The following NFIB variants were observed in gnomAD, a reference collection of about 807,000 sequenced individuals.
NFIB encodes nuclear factor 1 B-type.
Under a neutral mutation model 61.5 loss-of-function variants are expected in NFIB, and 11 were observed. That is an observed-to-expected ratio of 0.18 (90% CI 0.11 to 0.30). The LOEUF (loss-of-function observed/expected upper bound fraction) is 0.30. NFIB is among the 10% of genes least tolerant of loss of function. The probability of loss-of-function intolerance (pLI) is 1.00; values close to 1 mark genes in which losing one functional copy is unlikely to be tolerated. For missense variants in NFIB, 471 were observed against 608.9 expected (o/e 0.77, Z 2.38); for synonymous variants, 260 against 216.5 (o/e 1.20, Z -1.76).
intron 1 of NFIB, among the ~76,000 whole-genome samples, chr9:14,331,615 C>T (rs373834617): frequency 6.6e-6 from 1 of 152,200 alleles, no homozygotes; most frequent in Non-Finnish European, 1.5e-5. Flanking sequence ...AGGTTATATT[C>T]ATTCTCCAGT....
intron 10 of NFIB, among the ~76,000 whole-genome samples, chr9:14,092,822 C>T (rs574641760): frequency 2.8e-4 from 42 of 152,092 alleles, no homozygotes; most frequent in African/African-American, 9.6e-4. Flanking sequence ...ATACCCACTT[C>T]TTCCTTTTAA....
intron 2 of NFIB, among the ~76,000 whole-genome samples, chr9:14,275,476 G>C (rs913102531): frequency 1.3e-5 from 2 of 152,168 alleles, no homozygotes; most frequent in Non-Finnish European, 2.9e-5. Context: ...ACGGCGCCAT[G>C]GTTAGGATAT....
At chr9:14,492,355 T>A in the NFIB span, among the ~76,000 whole-genome samples, 1 of 143,422 alleles carries the variant, frequency 7.0e-6, no homozygotes, top group Non-Finnish European at 1.5e-5. Flanking sequence ...AGAGTGAGAC[T>A]TTGCCTCAAA....
chr9:14,224,390 G>C (rs557251687), intron 2 of NFIB, among the ~76,000 whole-genome samples: 4 of 152,294 alleles, frequency 2.6e-5, no homozygotes, highest in South Asian at 2.1e-4. Flanking sequence ...AAAGTGTCCT[G>C]AGAAAAATCA....
intron 2 of NFIB, among the ~76,000 whole-genome samples, chr9:14,188,809 AT>A (rs1047412804): frequency 6.6e-6 from 1 of 152,286 alleles, no homozygotes; most frequent in South Asian, 2.1e-4. Context: ...TGTAATATAC[AT>A]TTTTTCCCCT....
At chr9:14,475,572 G>A in the NFIB span, among the ~76,000 whole-genome samples, 31 of 152,146 alleles carry the variant, frequency 2.0e-4, no homozygotes, top group South Asian at 5.0e-3. Context: ...CCCCTGCAGC[G>A]TCTTGCTGAC....
chr9:14,460,181 T>A, the NFIB span, among the ~76,000 whole-genome samples: 23 of 152,260 alleles, frequency 1.5e-4, no homozygotes, highest in Middle Eastern at 0.01. Context: ...TGGAATACTA[T>A]GCAGCCATAA....
chr9:14,249,228 G>A lies in NFIB; in HGVS notation c.562+57761C>T, dbSNP rs538161402. ...ATTACATAAACTGAGGATGGGGGTAGATATTATTATCTCTGCTTTACTGAT... is the reference window on the plus strand; with the variant it reads ...ATTACATAAACTGAGGATGGGGGTAAATATTATTATCTCTGCTTTACTGAT... On this transcript the variant is annotated intron_variant, in intron 2 of 10. Coordinates refer to ENST00000380953, the MANE Select transcript of NFIB (RefSeq NM_001190737.2). 1.4e-4 allele frequency among the ~76,000 whole-genome samples: 21 copies of A among 151,950 alleles called. No homozygotes were observed. In the South Asian group the frequency reaches 3.1e-3, roughly 23 times the overall value.
chr9:14,352,543 G>A (rs2061126031), intron 1 of NFIB, among the ~76,000 whole-genome samples: 1 of 152,186 alleles, frequency 6.6e-6, no homozygotes, highest in African/African-American at 2.4e-5. Flanking sequence ...CTCAGTGTAT[G>A]TAATCTGATG....
intron 2 of NFIB, among the ~76,000 whole-genome samples, chr9:14,215,458 G>A (rs753889364): frequency 1.6e-4 from 22 of 141,838 alleles, no homozygotes; most frequent in Non-Finnish European, 2.8e-4. Flanking sequence ...AAAATTGTCA[G>A]AAAGCAAATG....
At chr9:14,334,721 TA>T (rs569285164) in intron 1 of NFIB, among the ~76,000 whole-genome samples, 1 of 152,170 alleles carries the variant, frequency 6.6e-6, no homozygotes, top group Non-Finnish European at 1.5e-5. Context: ...TGCACATGTT[TA>T]AAGCGTACTA....
intron 1 of NFIB, among the ~76,000 whole-genome samples, chr9:14,349,227 G>T (rs550787985): frequency 6.6e-6 from 1 of 152,208 alleles, no homozygotes; most frequent in African/African-American, 2.4e-5. Context: ...TAGCGGGGTG[G>T]GGGTTTGGTC....
intron 2 of NFIB, among the ~76,000 whole-genome samples, chr9:14,184,371 T>C (rs894551209): frequency 5.5e-4 from 84 of 152,212 alleles, no homozygotes; most frequent in African/African-American, 2.0e-3. Context: ...CACCAATACA[T>C]TCAAAATCTT....
intron 4 of NFIB, among the ~76,000 whole-genome samples, chr9:14,151,339 G>A (rs1279320676): frequency 2.6e-5 from 4 of 152,098 alleles, no homozygotes; most frequent in African/African-American, 4.8e-5. Flanking sequence ...GAACCTGTTC[G>A]CTGAAAATTT....
chr9:14,181,570 G>T (rs988985606), intron 2 of NFIB, among the ~76,000 whole-genome samples: 3 of 152,196 alleles, frequency 2.0e-5, no homozygotes, highest in Non-Finnish European at 4.4e-5. Context: ...TTCCAGGCCT[G>T]GAGTATGATA....
At chr9:14,341,641 G>A (rs762243146) in intron 1 of NFIB, among the ~76,000 whole-genome samples, 1 of 152,106 alleles carries the variant, frequency 6.6e-6, no homozygotes, top group Non-Finnish European at 1.5e-5. Flanking sequence ...GTGGAAATGG[G>A]GTATCTGTAG....
intron 1 of NFIB, among the ~76,000 whole-genome samples, chr9:14,336,426 A>C (rs1178979072): frequency 6.6e-6 from 1 of 152,236 alleles, no homozygotes; most frequent in Non-Finnish European, 1.5e-5. Context: ...ATGACTCTAC[A>C]GACTGACCTC....
upstream of NFIB, among the ~76,000 whole-genome samples, chr9:14,318,966 G>A (rs1199031640): frequency 1.3e-5 from 2 of 151,932 alleles, no homozygotes; most frequent in East Asian, 3.8e-4. Context: ...AGCCCTTAAC[G>A]TACTACTGTC....
At chr9:14,228,041 A>C (rs1258062130) in intron 2 of NFIB, among the ~76,000 whole-genome samples, 1 of 152,162 alleles carries the variant, frequency 6.6e-6, no homozygotes, top group Non-Finnish European at 1.5e-5. Flanking sequence ...GATGACTCAT[A>C]CAACTTTGCA....
Sources: allele counts gnomAD v4.1 joint callset (sites outside exome capture counted in the v4.1 genomes callset), GRCh38; gene constraint gnomAD v4.1.1; transcripts MANE v1.5; gene names NCBI Gene and HGNC (gene_info 2026-07-23, HGNC 2026-07-21).